CD37: variants seen among roughly 807,000 people sequenced by gnomAD.
The protein encoded by CD37 is leukocyte antigen CD37.
Under a neutral mutation model 38.9 loss-of-function variants are expected in CD37, and 37 were observed. The ratio of observed to expected loss-of-function variants is 0.95; its 90% CI spans 0.73 to 1.25. The LOEUF (loss-of-function observed/expected upper bound fraction) is 1.25. Among genes scored for constraint, CD37 ranks in the 50% most tolerant of loss-of-function variants. The pLI is 0.00. For synonymous variants in CD37, 146 were observed against 150.1 expected (o/e 0.97, Z 0.20); for missense variants, 351 against 360.1 (o/e 0.97, Z 0.20).
Position 49,338,660 on chromosome 19 carries a change from T to C in CD37, c.448-40T>C, listed in dbSNP as rs753750209. The C allele has an allele frequency of 3.5e-6, 5 of 1,444,668 alleles. No homozygotes were observed. The highest frequency in any genetic ancestry group is 3.9e-6 in the Non-Finnish European group (4 of 1,034,962). 89.5% of individuals were successfully genotyped at this position (1,444,668 alleles called of 1,614,324 possible). A position where few individuals can be genotyped will look rare whatever the true frequency, so the allele number is the denominator to read the frequency against. On this transcript the variant is annotated intron_variant, in intron 5 of 7. Transcript: ENST00000323906. The surrounding 1 kb of genome is among the most constrained non-coding windows in gnomAD (Gnocchi z 5.0). ...GTCCCCTGATCCCCAACATCATATG[T>C]CTCCAGTCCCGGTCCCTCTGACTCG...
intron 4 of CD37, 40 bp downstream of exon 4, chr19:49,337,261 G>C (rs1467881067): frequency 6.3e-7 from 1 of 1,583,178 alleles, no homozygotes; most frequent in African/African-American, 1.3e-5. Flanking sequence ...CCCCAGCAGG[G>C]AGGAGAGGGA....
chr19:49,340,144 CCG>C, intron 7 of CD37, 105 bp from the exon 8 acceptor site: 1 of 1,514,222 alleles, frequency 6.6e-7, no homozygotes. Flanking sequence ...CAGCCCCTTC[CCG>C]CCCAATTCAC....
chr19:49,340,185 G>C (rs1364869574), intron 7 of CD37, 66 bp from the exon 8 acceptor site: 1 of 1,524,976 alleles, frequency 6.6e-7, no homozygotes, highest in Non-Finnish European at 9.0e-7. Flanking sequence ...TCTCGCCCGG[G>C]TGGGCATCAC....
chr19:49,336,814 A>ATAC, intron 2 of CD37, 95 bp from the exon 3 acceptor site: 1 of 1,377,744 alleles, frequency 7.3e-7, no homozygotes, highest in Non-Finnish European at 1.0e-6. Context: ...GGGCACCAAG[A>ATAC]TACTGCTCCC....
rs372962561 is a variant in CD37, at chr19:49,338,947, G to A, written c.684+11G>A. On this transcript the variant is annotated intron_variant, in intron 6 of 7. Transcript: ENST00000323906. The surrounding 1 kb of genome is among the most constrained non-coding windows in gnomAD (Gnocchi z 5.0). ...CACATCTACCGCGAGGTGGGCAGGG[G>A]TTCGGAGCATAAACCTGTCGAATGG... 3.1e-6 allele frequency: 5 copies of A among 1,602,914 alleles called. No individual in the cohort carries two copies. Among genetic ancestry groups the A allele is most frequent in the Admixed American group, 1.7e-5 (1 of 59,940 alleles).
chr19:49,337,018 C>A lies in CD37; in HGVS notation c.252C>A (p.Arg84=), dbSNP rs1184453480. 6.2e-7 allele frequency: 1 copy of A among 1,613,276 alleles called. No homozygotes were observed. Among genetic ancestry groups the A allele is most frequent in the Non-Finnish European group, 8.5e-7 (1 of 1,179,564 alleles). Residue 84 remains arginine (R), a synonymous_variant, in exon 3 of 8, where the codon CGC becomes CGA. Transcript: ENST00000323906. ...LGCVGALKEL[R]CLLGLYFGML... is the part of the protein sequence containing the mutation. Reference sequence around the variant, plus strand: ...GTGTGGGGGCCCTCAAGGAGCTCCGCTGCCTCCTGGGCCTGGTGAGTGCAC... The same window carrying A: ...GTGTGGGGGCCCTCAAGGAGCTCCGATGCCTCCTGGGCCTGGTGAGTGCAC...
chr19:49,337,536 C>T, intron 4 of CD37: 1 of 885,922 alleles, frequency 1.1e-6, no homozygotes, highest in Non-Finnish European at 1.6e-6. Context: ...GTGGGAGGAT[C>T]ACTTGAGCCA....
Position 49,339,018 on chromosome 19 carries a change from G to T in CD37, c.684+82G>T. The stretch of plus-strand genomic sequence containing the variant: ...GAGGGCTGTCAGTGAGTAGCGGCCT[G>T]AGAAAGGGCGGGGTCTACGAGAAAA... On this transcript the variant is annotated intron_variant, in intron 6 of 7. Transcript: ENST00000323906. The surrounding 1 kb of genome is among the most constrained non-coding windows in gnomAD (Gnocchi z 4.5). 2.7e-6 allele frequency: 3 copies of T among 1,129,472 alleles called. No individual in the cohort carries two copies. Among genetic ancestry groups the T allele is most frequent in the Non-Finnish European group, 3.9e-6 (3 of 761,934 alleles). The allele number at this position is 1,129,472 out of a possible 1,614,324, so 70.0% of individuals were successfully genotyped here.
chr19:49,337,352 G>A (rs1970995639), intron 4 of CD37, 131 bp downstream of exon 4: 1 of 921,502 alleles, frequency 1.1e-6, no homozygotes, highest in Non-Finnish European at 1.7e-6. Context: ...ATAAGAGGCT[G>A]GGCCTGGTGG....
chr19:49,339,378 A>G lies in CD37; in HGVS notation c.733A>G (p.Ile245Val), dbSNP rs1568551650. 7.4e-6 allele frequency: 12 copies of G among 1,613,886 alleles called. No homozygotes were observed. Among genetic ancestry groups the G allele is most frequent in the African/African-American group, 1.3e-5 (1 of 74,892 alleles). The change falls in exon 7 of 8, where the codon ATA (isoleucine) becomes GTA (valine). Residue 245 changes from isoleucine to valine, a missense_variant. Transcript: ENST00000323906. This position sits in a 1 kb window ranked among gnomAD's most constrained non-coding sequence, Gnocchi z 4.5. ...GTGGCTGCACAACAACCTTATTTCC[A>G]TAGTGGGCATTTGCCTGGGCGTCGG... Reference protein sequence around the residue: ...QKWLHNNLISIVGICLGVGLL... With the variant: ...QKWLHNNLISVVGICLGVGLL...
In CD37 at chr19:49,335,846, T is replaced by C. The variant is rs760067388; in HGVS notation, c.142+60T>C. ...CCAACCCAAGCAACTTCCTGGGGTC[T>C]CCCTTGTCTCAGGGAGACCTACGGT... is the stretch of plus-strand genomic sequence containing the variant. On this transcript the variant is annotated intron_variant, in intron 2 of 7. Transcript: ENST00000323906. The surrounding 1 kb of genome is among the most constrained non-coding windows in gnomAD (Gnocchi z 4.6). 3 of 1,397,956 alleles carry C rather than the reference T, an allele frequency of 2.1e-6. No individual in the cohort carries two copies. In the South Asian group the frequency reaches 3.5e-5, roughly 16 times the overall value. The allele number at this position is 1,397,956 out of a possible 1,614,324, so 86.6% of individuals were successfully genotyped here. A position where few individuals can be genotyped will look rare whatever the true frequency, so the allele number is the denominator to read the frequency against.
At position 49,339,729 on chromosome 19, in the gene CD37, G is replaced by C; in HGVS notation, c.768+316G>C. 7.2e-7 allele frequency: 1 copy of C among 1,398,522 alleles called. No homozygotes were observed. Among genetic ancestry groups the C allele is most frequent in the Non-Finnish European group, 9.2e-7 (1 of 1,081,210 alleles). 86.6% of individuals were successfully genotyped at this position (1,398,522 alleles called of 1,614,324 possible). On this transcript the variant is annotated intron_variant, in intron 7 of 7. Coordinates refer to ENST00000323906, the MANE Select transcript of CD37 (RefSeq NM_001774.3). This position sits in a 1 kb window ranked among gnomAD's most constrained non-coding sequence, Gnocchi z 4.5. ...GCCGGAAATGCGAGCCGCACGTGCC[G>C]GGCGCTGGGGATTCGAGCCCCGGGC...
rs1192868619 is a variant in CD37 at position 49,337,954 on chromosome 19, G to GA, written c.376dup (p.Thr126AsnfsTer45). ...AGCGAAGCTTGCGGGACGTCGTAGA[G>GA]AAAACCATCCAAAAGTACGGCACCA... is the stretch of plus-strand genomic sequence containing the variant. On this transcript the variant is annotated frameshift_variant, in exon 5 of 8. Transcript: ENST00000323906. LOFTEE classifies it high-confidence loss of function. The GA allele has an allele frequency of 5.6e-6, 9 of 1,614,110 alleles. No individual in the cohort carries two copies. The highest frequency in any genetic ancestry group is 7.6e-6 in the Non-Finnish European group (9 of 1,180,004).
intron 2 of CD37, chr19:49,336,670 A>C: frequency 2.0e-6 from 1 of 489,178 alleles, no homozygotes. Flanking sequence ...GACGAGGAGG[A>C]GCTGAAGGAG....
chr19:49,337,698 G>A (rs1373547273), intron 4 of CD37: 10 of 1,532,304 alleles, frequency 6.5e-6, no homozygotes, highest in Non-Finnish European at 8.7e-6. Context: ...GAAAAAGAGA[G>A]AACAAGAGAA....
In CD37 at chr19:49,339,679, G is replaced by GT. The variant is rs1568552076; in HGVS notation, c.768+267dup. The GT allele has an allele frequency of 1.3e-5, 18 of 1,422,346 alleles. No individual in the cohort carries two copies. The South Asian group carries it at 2.6e-4, about 21-fold the overall frequency. The allele number at this position is 1,422,346 out of a possible 1,614,324, so 88.1% of individuals were successfully genotyped here. On this transcript the variant is annotated intron_variant, in intron 7 of 7. Transcript: ENST00000323906. This position sits in a 1 kb window ranked among gnomAD's most constrained non-coding sequence, Gnocchi z 4.5. ...GCAGATGACTGTCATGGTGCTGAGC[G>GT]TACAGCTACAGCGCAGGGCACTCCG... is the stretch of plus-strand genomic sequence containing the variant.
At chr19:49,337,102 G>C (rs1304015974) in intron 3 of CD37, 45 bp from the exon 4 acceptor site, 1 of 1,614,078 alleles carries the variant, frequency 6.2e-7, no homozygotes, top group Non-Finnish European at 8.5e-7. Flanking sequence ...GCCTGGGCCG[G>C]GGTTGCAGGG....
intron 4 of CD37, 54 bp downstream of exon 4, chr19:49,337,275 G>C: frequency 6.5e-7 from 1 of 1,537,700 alleles, no homozygotes; most frequent in East Asian, 2.2e-5. Context: ...AGAGGGAAGG[G>C]AGTGGTGGGA....
intron 2 of CD37, chr19:49,336,680 GGAA>G: frequency 5.9e-6 from 3 of 509,956 alleles, no homozygotes; most frequent in Non-Finnish European, 1.1e-5. Flanking sequence ...AGCTGAAGGA[GGAA>G]GGAGAGGGTA....
Sources: allele counts gnomAD v4.1 joint callset, GRCh38; gene constraint gnomAD v4.1.1; non-coding constraint Gnocchi (gnomAD v3.1); transcripts MANE v1.5; gene names NCBI Gene and HGNC (gene_info 2026-07-23, HGNC 2026-07-21).